DCC: variants seen among roughly 807,000 people sequenced by gnomAD.
DCC encodes DCC netrin 1 receptor, also known as netrin receptor DCC.
Under a neutral mutation model 172.5 loss-of-function variants are expected in DCC, and 58 were observed. The observed-to-expected ratio is 0.34, with a 90% CI of 0.27 to 0.42. DCC has a LOEUF of 0.42. DCC is among the 10% of genes least tolerant of loss of function. DCC has a pLI of 1.00. For missense variants in DCC, 1,740 were observed against 1,791.0 expected (o/e 0.97, Z 0.51); for synonymous variants, 709 against 644.5 (o/e 1.10, Z -1.52).
intron 1 of DCC, among the ~76,000 whole-genome samples, chr18:52,625,415 T>C (rs371341829): frequency 5.9e-5 from 9 of 152,232 alleles, no homozygotes; most frequent in African/African-American, 2.2e-4. Context: ...TTGTATTCTT[T>C]GTTTTCCTTC....
At chr18:53,018,413 T>C (rs1210780274) in intron 5 of DCC, among the ~76,000 whole-genome samples, 2 of 152,234 alleles carry the variant, frequency 1.3e-5, no homozygotes, top group African/African-American at 4.8e-5. Context: ...CCTCGTTGCC[T>C]ACGTCTCCTC....
intron 9 of DCC, among the ~76,000 whole-genome samples, chr18:53,188,420 A>G (rs2055318300): frequency 6.6e-6 from 1 of 152,132 alleles, no homozygotes; most frequent in African/African-American, 2.4e-5. Flanking sequence ...GTTTTTGGGG[A>G]AGTCAGTTAC....
At position 53,427,877 on chromosome 18, in the gene DCC, TAC is replaced by T. The variant is rs59514832; in HGVS notation, c.3164-7265_3164-7264del. Reference sequence around the variant, plus strand: ...TTTTTATATATAATATATAAATATATACATATATAATATAATAAATTATATAT... The same window carrying T: ...TTTTTATATATAATATATAAATATATATATATAATATAATAAATTATATAT... On this transcript the variant is annotated intron_variant, in intron 21 of 28. Coordinates refer to ENST00000442544, the MANE Select transcript of DCC (RefSeq NM_005215.4). Among the ~76,000 whole-genome samples, 63 of 86,012 alleles carry T rather than the reference TAC, an allele frequency of 7.3e-4. 3 individuals are homozygous for T. Among genetic ancestry groups the T allele is most frequent in the Non-Finnish European group, 1.3e-3 (51 of 38,754 alleles). 56.4% of individuals were successfully genotyped at this position (86,012 alleles called of 152,430 possible). A position where few individuals can be genotyped will look rare whatever the true frequency, so the allele number is the denominator to read the frequency against.
chr18:52,648,002 TG>T (rs2035051605), intron 1 of DCC, among the ~76,000 whole-genome samples: 1 of 152,186 alleles, frequency 6.6e-6, no homozygotes, highest in Non-Finnish European at 1.5e-5. Flanking sequence ...TGTTTATGGA[TG>T]TGCTGGCCCT....
At chr18:53,085,614 T>G (rs2042867312) in intron 7 of DCC, among the ~76,000 whole-genome samples, 1 of 152,126 alleles carries the variant, frequency 6.6e-6, no homozygotes, top group Non-Finnish European at 1.5e-5. Flanking sequence ...GAGAAGCCAT[T>G]AAAACATAGA....
At chr18:53,375,592 A>G (rs1028597336) in intron 15 of DCC, among the ~76,000 whole-genome samples, 1 of 150,484 alleles carries the variant, frequency 6.6e-6, no homozygotes, top group African/African-American at 2.4e-5. Flanking sequence ...GTGATCATAC[A>G]ATGTTACCAC....
chr18:53,508,864 TA>T (rs2046216389), intron 27 of DCC, among the ~76,000 whole-genome samples: 1 of 152,220 alleles, frequency 6.6e-6, no homozygotes, highest in African/African-American at 2.4e-5. Context: ...TCTCAAATCA[TA>T]AATGCATTTG....
At position 52,499,338 on chromosome 18, in the gene DCC, TGGG is replaced by T. The variant is rs2030932893; in HGVS notation, c.91+158463_91+158465del. Reference sequence around the variant, plus strand: ...TTGGGCTATTTTCTCATCTCTAAAATGGGGGAAATGTGGATGTGAAGATACATC... The same window carrying T: ...TTGGGCTATTTTCTCATCTCTAAAATGGAAATGTGGATGTGAAGATACATC... On this transcript the variant is annotated intron_variant, in intron 1 of 28. Coordinates refer to ENST00000442544, the MANE Select transcript of DCC (RefSeq NM_005215.4). Among the ~76,000 whole-genome samples, 5 of 152,216 alleles carry T rather than the reference TGGG, an allele frequency of 3.3e-5. No homozygotes were observed. In the South Asian group the frequency reaches 1.0e-3, roughly 32 times the overall value.
At chr18:52,860,092 T>TA (rs1297947865) in intron 2 of DCC, among the ~76,000 whole-genome samples, 1 of 152,234 alleles carries the variant, frequency 6.6e-6, no homozygotes, top group Non-Finnish European at 1.5e-5. Context: ...AATCCATCTC[T>TA]AATAAGAGGC....
At chr18:52,988,505 T>C (rs1007196737) in intron 5 of DCC, among the ~76,000 whole-genome samples, 1 of 152,164 alleles carries the variant, frequency 6.6e-6, no homozygotes, top group African/African-American at 2.4e-5. Flanking sequence ...CTCTATTGTG[T>C]ACCTTAATCT....
intron 14 of DCC, among the ~76,000 whole-genome samples, chr18:53,332,450 C>T (rs2057539948): frequency 6.6e-6 from 1 of 151,988 alleles, no homozygotes; most frequent in Non-Finnish European, 1.5e-5. Context: ...GCTAAGAGTA[C>T]AAACTATATG....
chr18:52,982,170 C>T (rs147026713), intron 5 of DCC, among the ~76,000 whole-genome samples: 1 of 152,054 alleles, frequency 6.6e-6, no homozygotes, highest in South Asian at 2.1e-4. Context: ...ATTAAATTTA[C>T]AGAGGGAGGA....
chr18:53,305,925 G>A (rs986659740), intron 13 of DCC, among the ~76,000 whole-genome samples: 6 of 152,010 alleles, frequency 3.9e-5, no homozygotes, highest in East Asian at 1.9e-4. Context: ...CTGGATCATC[G>A]TCTTAATACA....
chr18:52,817,803 A>ATATATATG (rs375371359), intron 2 of DCC, among the ~76,000 whole-genome samples: 1 of 151,428 alleles, frequency 6.6e-6, no homozygotes, highest in Non-Finnish European at 1.5e-5. Flanking sequence ...ATATATATAT[A>ATATATATG]TGTGTGTGTG....
intron 1 of DCC, among the ~76,000 whole-genome samples, chr18:52,622,535 C>A (rs1403227866): frequency 6.6e-6 from 1 of 152,196 alleles, no homozygotes; most frequent in Non-Finnish European, 1.5e-5. Context: ...TCGTTGGCAC[C>A]AGCCCAGGGG....
intron 7 of DCC, among the ~76,000 whole-genome samples, chr18:53,135,792 A>T (rs978989170): frequency 2.0e-5 from 3 of 152,184 alleles, no homozygotes; most frequent in African/African-American, 7.2e-5. Flanking sequence ...AGAGTGATTG[A>T]ATCACCCTCA....
chr18:52,827,048 T>G (rs1484759465), intron 2 of DCC, among the ~76,000 whole-genome samples: 2 of 152,152 alleles, frequency 1.3e-5, no homozygotes, highest in Non-Finnish European at 2.9e-5. Context: ...ACTGCACCAT[T>G]TTATAGCCCG....
At chr18:52,751,988 C>G in intron 1 of DCC, 66 bp from the exon 2 acceptor site, 1 of 1,344,606 alleles carries the variant, frequency 7.4e-7, no homozygotes, top group Non-Finnish European at 1.1e-6. Context: ...AAAGAAAAGA[C>G]AGGGAATCTA....
At chr18:53,069,327 G>A (rs2042620636) in intron 7 of DCC, among the ~76,000 whole-genome samples, 1 of 152,172 alleles carries the variant, frequency 6.6e-6, no homozygotes, top group African/African-American at 2.4e-5. Flanking sequence ...GGAAGAGAAA[G>A]GAGAGGACAA....
Sources: gnomAD v4.1 joint callset for allele counts (sites outside exome capture counted in the v4.1 genomes callset) on GRCh38, gnomAD v4.1.1 for gene constraint, MANE v1.5 for transcripts, NCBI Gene and HGNC (gene_info 2026-07-23, HGNC 2026-07-21) for gene names.